Variants in VEPH1 observed in about 807,000 individuals in gnomAD.
The protein encoded by VEPH1 is ventricular zone expressed PH domain containing 1.
In VEPH1, 80 loss-of-function variants were observed where a neutral mutation model predicts 85.2. The observed-to-expected ratio is 0.94, with a 90% CI of 0.78 to 1.13. The LOEUF (loss-of-function observed/expected upper bound fraction) is 1.13. Ranked by LOEUF, VEPH1 falls within the 50% of genes most tolerant of loss-of-function variation. VEPH1 has a pLI of 0.00. For synonymous variants in VEPH1, 297 were observed against 348.0 expected, an observed-to-expected ratio of 0.85 and a Z score of 1.63; for missense variants, 955 against 980.5, an observed-to-expected ratio of 0.97 and a Z score of 0.35.
intron 11 of VEPH1, among the ~76,000 whole-genome samples, chr3:157,295,426 T>A (rs547318878): frequency 6.6e-6 from 1 of 151,572 alleles, no homozygotes; most frequent in South Asian, 2.1e-4. Flanking sequence ...AGCAAGACCC[T>A]GTCTTGAAAA....
chr3:157,374,443 T>G (rs1192022885), intron 7 of VEPH1, among the ~76,000 whole-genome samples: 1 of 152,234 alleles, frequency 6.6e-6, no homozygotes, highest in African/African-American at 2.4e-5. Flanking sequence ...AACCAACAGC[T>G]GCTTTCAAAG....
intron 9 of VEPH1, among the ~76,000 whole-genome samples, chr3:157,328,040 C>A (rs1315010340): frequency 6.6e-6 from 1 of 152,154 alleles, no homozygotes; most frequent in East Asian, 1.9e-4. Flanking sequence ...GGGCAAGTTA[C>A]ATAACCTCTC....
At chr3:157,306,048 T>G (rs1212397047) in intron 11 of VEPH1, among the ~76,000 whole-genome samples, 1 of 152,154 alleles carries the variant, frequency 6.6e-6, no homozygotes, top group Non-Finnish European at 1.5e-5. Flanking sequence ...CTTTACTCTT[T>G]GACATTAGTT....
In VEPH1 at chr3:157,265,528, A is replaced by T. The variant is rs1190728393; in HGVS notation, c.2263T>A (p.Ser755Thr). Reference sequence around the variant, plus strand: ...TAAAAGATGATGGAGGAACTTACAGACTTTCCTTTTTGAAACAGAAGTTGA... The same window carrying T: ...TAAAAGATGATGGAGGAACTTACAGTCTTTCCTTTTTGAAACAGAAGTTGA... ...GNQLLFQKGK[S>T]KDDPDDCPIE... is the part of the protein sequence containing the mutation. Residue 755 changes from serine to threonine, a missense_variant and splice_region_variant, in exon 13 of 14, where the codon TCT (serine) becomes ACT (threonine). Physicochemically the swap from Ser to Thr is moderately conservative, Grantham distance 58. Coordinates refer to ENST00000362010, the MANE Select transcript of VEPH1 (RefSeq NM_001167912.2). 1 of 1,612,358 alleles carries T rather than the reference A, an allele frequency of 6.2e-7. No individual in the cohort carries two copies.
chr3:157,470,700 G>A (rs975687038), intron 2 of VEPH1, among the ~76,000 whole-genome samples, 171 bp from the exon 3 acceptor site: 6 of 152,082 alleles, frequency 3.9e-5, no homozygotes, highest in South Asian at 2.1e-4. Context: ...TCCTAATCTT[G>A]TGGAAGAGGC....
chr3:157,459,541 A>G (rs1352329711), intron 4 of VEPH1: 1 of 989,140 alleles, frequency 1.0e-6, no homozygotes, highest in Non-Finnish European at 1.3e-6. Context: ...AATATCATGT[A>G]TTGTTCTCTG....
chr3:157,373,366 A>G (rs1727724851), intron 7 of VEPH1, among the ~76,000 whole-genome samples: 1 of 152,228 alleles, frequency 6.6e-6, no homozygotes, highest in Admixed American at 6.5e-5. Flanking sequence ...TGGGAATCAG[A>G]CACCAGAATA....
At chr3:157,436,861 C>T in intron 4 of VEPH1, 1 of 1,531,988 alleles carries the variant, frequency 6.5e-7, no homozygotes, top group South Asian at 1.2e-5. Context: ...CTCTCACTCT[C>T]CTCCGCTCAA....
At chr3:157,490,659 C>T (rs947996922) in intron 2 of VEPH1, among the ~76,000 whole-genome samples, 6 of 152,158 alleles carry the variant, frequency 3.9e-5, no homozygotes, top group Non-Finnish European at 1.5e-5. Context: ...CTTTCATACA[C>T]TGATGTTGGG....
chr3:157,466,220 G>A (rs1443138448), intron 3 of VEPH1, among the ~76,000 whole-genome samples: 1 of 152,038 alleles, frequency 6.6e-6, no homozygotes, highest in East Asian at 1.9e-4. Context: ...AAGTGGGGGG[G>A]TGGGGATGGC....
rs1417484097 is a variant in VEPH1 at position 157,275,187 on chromosome 3, C to T, written c.2129-9525G>A. On this transcript the variant is annotated intron_variant, in intron 12 of 13. Coordinates refer to ENST00000362010, the MANE Select transcript of VEPH1 (RefSeq NM_001167912.2). ...ATGAATAACTCATATTTGAGACTGT[C>T]ATGAGTTTAATTTGTGATATTTGAA... 2.0e-5 allele frequency among the ~76,000 whole-genome samples: 3 copies of T among 152,298 alleles called. No homozygotes were observed. The East Asian group carries it at 5.8e-4, about 29-fold the overall frequency.
At chr3:157,367,625 A>G (rs1348124777) in intron 7 of VEPH1, among the ~76,000 whole-genome samples, 1 of 152,176 alleles carries the variant, frequency 6.6e-6, no homozygotes, top group African/African-American at 2.4e-5. Flanking sequence ...ATAACTTGTA[A>G]CCCAAAATGT....
At chr3:157,436,958 T>C (rs1733633715) in intron 4 of VEPH1, 1 of 1,613,946 alleles carries the variant, frequency 6.2e-7, no homozygotes, top group Non-Finnish European at 8.5e-7. Context: ...GATTCTGTTT[T>C]GTGCTCTCTG....
intron 12 of VEPH1, among the ~76,000 whole-genome samples, chr3:157,277,226 G>A (rs1014081250): frequency 6.6e-6 from 1 of 152,278 alleles, no homozygotes; most frequent in Non-Finnish European, 1.5e-5. Flanking sequence ...CTTTTAATAA[G>A]AAAGGGTTTC....
At chr3:157,271,851 GA>G (rs796497863) in intron 12 of VEPH1, among the ~76,000 whole-genome samples, 5 of 151,902 alleles carry the variant, frequency 3.3e-5, no homozygotes, top group South Asian at 2.1e-4. Context: ...AAAAGTTCAT[GA>G]AAAAAATGGA....
At chr3:157,431,263 T>C (rs1733128160) in intron 4 of VEPH1, among the ~76,000 whole-genome samples, 1 of 152,202 alleles carries the variant, frequency 6.6e-6, no homozygotes, top group South Asian at 2.1e-4. Context: ...CTCAGCCACG[T>C]GGAACTGAGT....
intron 2 of VEPH1, among the ~76,000 whole-genome samples, chr3:157,479,791 A>C (rs1016840071): frequency 6.6e-6 from 1 of 152,198 alleles, no homozygotes; most frequent in Non-Finnish European, 1.5e-5. Flanking sequence ...TATTGTTACT[A>C]TCTGGCTCCT....
chr3:157,303,703 C>G (rs980546846), intron 11 of VEPH1, among the ~76,000 whole-genome samples: 5 of 152,068 alleles, frequency 3.3e-5, no homozygotes, highest in African/African-American at 1.2e-4. Flanking sequence ...TTTAGTTTTC[C>G]CCTTAAGCAC....
chr3:157,479,136 A>G (rs1485930390), intron 2 of VEPH1, among the ~76,000 whole-genome samples: 1 of 152,152 alleles, frequency 6.6e-6, no homozygotes, highest in African/African-American at 2.4e-5. Context: ...ATTCCAGAAA[A>G]TATCATGTTC....
Sources: gnomAD v4.1 joint callset for allele counts (sites outside exome capture counted in the v4.1 genomes callset) on GRCh38, gnomAD v4.1.1 for gene constraint, MANE v1.5 for transcripts, NCBI Gene and HGNC (gene_info 2026-07-23, HGNC 2026-07-21) for gene names.